Variants in RASIP1 observed in about 807,000 individuals in gnomAD.
RASIP1 encodes the protein ras-interacting protein 1.
In RASIP1, 20 loss-of-function variants were observed where a neutral mutation model predicts 85.3. The ratio of observed to expected loss-of-function variants is 0.23; its 90% CI spans 0.17 to 0.34. The LOEUF (loss-of-function observed/expected upper bound fraction) is 0.34, where lower values mean the gene tolerates loss of function less well. Among genes scored for constraint, RASIP1 ranks in the 10% least tolerant of loss-of-function variants. RASIP1 has a pLI of 1.00. For synonymous variants in RASIP1, 617 were observed against 647.1 expected, an observed-to-expected ratio of 0.95 and a Z score of 0.71; for missense variants, 1,170 against 1,390.9, an observed-to-expected ratio of 0.84 and a Z score of 2.53.
At chr19:48,735,134 T>C in intron 4 of RASIP1, 62 bp downstream of exon 4, 1 of 1,442,524 alleles carries the variant, frequency 6.9e-7, no homozygotes, top group South Asian at 1.3e-5. Flanking sequence ...GTAGTTTTGT[T>C]GCTCACCCAC....
chr19:48,727,484 A>G lies in RASIP1; in HGVS notation c.1834-54T>C, dbSNP rs948239834. 1.9e-6 allele frequency: 3 copies of G among 1,563,748 alleles called. No homozygotes were observed. In the African/African-American group the frequency reaches 4.1e-5, roughly 21 times the overall value. Reference sequence around the variant, plus strand: ...TGAGGGGGATCCACTGAGGGGCTTAAGAGTTAATACCCTGGTTTTTATAGA... The same window carrying G: ...TGAGGGGGATCCACTGAGGGGCTTAGGAGTTAATACCCTGGTTTTTATAGA... On this transcript the variant is annotated intron_variant, in intron 5 of 11. Transcript: ENST00000222145.
At position 48,739,687 on chromosome 19, in the gene RASIP1, A is replaced by C; in HGVS notation, c.138-42T>G. 1 of 1,319,778 alleles carries C rather than the reference A, an allele frequency of 7.6e-7. No homozygotes were observed. Among genetic ancestry groups the C allele is most frequent in the Non-Finnish European group, 9.7e-7 (1 of 1,030,998 alleles). The allele number at this position is 1,319,778 out of a possible 1,614,324, so 81.8% of individuals were successfully genotyped here. On this transcript the variant is annotated intron_variant, in intron 2 of 11. Transcript: ENST00000222145. This position sits in a 1 kb window ranked among gnomAD's most constrained non-coding sequence, Gnocchi z 9.2. ...GAACAGAGTCGCGGGAGAGAGACCC[A>C]GGACGACACGCCAAGACGGGGGTGG...
At chr19:48,727,737 G>C (rs906588800) in intron 5 of RASIP1, among the ~76,000 whole-genome samples, 7 of 150,126 alleles carry the variant, frequency 4.7e-5, no homozygotes, top group Non-Finnish European at 1.0e-4. Flanking sequence ...CCCAGGCTGG[G>C]GTGCAATGGC....
chr19:48,737,418 C>G (rs1015052293), intron 3 of RASIP1: 1 of 974,710 alleles, frequency 1.0e-6, no homozygotes, highest in Non-Finnish European at 1.2e-6. Flanking sequence ...CTGCCAGGCG[C>G]GGTCCACCAC....
At chr19:48,725,526 A>C (rs1449231351) in intron 8 of RASIP1, 2 of 152,930 alleles carry the variant, frequency 1.3e-5, no homozygotes, top group Non-Finnish European at 2.9e-5. Context: ...CATCAAGCCC[A>C]CCATAAGCCA....
At position 48,738,868 on chromosome 19, in the gene RASIP1, CGCGAGTCCCACAAG is replaced by C; in HGVS notation, c.823+78_823+91del. ...CCGCGGGCCCCGCCCCCAGCCAGCC[CGCGAGTCCCACAAG>C]CCCCGCCCAGGCCCCGCCCCACGGA... On this transcript the variant is annotated intron_variant, in intron 3 of 11. Coordinates refer to ENST00000222145, the MANE Select transcript of RASIP1 (RefSeq NM_017805.3). This position sits in a 1 kb window ranked among gnomAD's most constrained non-coding sequence, Gnocchi z 4.0. 1 of 1,078,136 alleles carries C rather than the reference CGCGAGTCCCACAAG, an allele frequency of 9.3e-7. No individual in the cohort carries two copies. Among genetic ancestry groups the C allele is most frequent in the Non-Finnish European group, 1.1e-6 (1 of 871,842 alleles). 66.8% of individuals were successfully genotyped at this position (1,078,136 alleles called of 1,614,324 possible). A position where few individuals can be genotyped will look rare whatever the true frequency, so the allele number is the denominator to read the frequency against.
chr19:48,728,931 G>A lies in RASIP1; in HGVS notation c.1833+6C>T, dbSNP rs1321741833. 5.6e-6 allele frequency: 8 copies of A among 1,440,108 alleles called. No homozygotes were observed. Among genetic ancestry groups the A allele is most frequent in the South Asian group, 2.8e-5 (2 of 72,312 alleles). The allele number at this position is 1,440,108 out of a possible 1,614,324, so 89.2% of individuals were successfully genotyped here. ...TGGGGCTGGACGGCGATTGGGGGGC[G>A]CTCACCCAGACGGCCTCCTTGATGA... On this transcript the variant is annotated splice_donor_region_variant and intron_variant, in intron 5 of 11. Transcript: ENST00000222145.
At chr19:48,737,379 C>T (rs906252455) in intron 3 of RASIP1, 2 of 804,152 alleles carry the variant, frequency 2.5e-6, no homozygotes, top group African/African-American at 1.9e-5. Flanking sequence ...CTGAGCAGAC[C>T]CGTGCTTTCA....
In RASIP1 at chr19:48,740,427, T is replaced by G. The variant is rs2033653622; in HGVS notation, c.-5+94A>C. The G allele has an allele frequency of 8.6e-6, 12 of 1,388,998 alleles. No homozygotes were observed. Among genetic ancestry groups the G allele is most frequent in the Non-Finnish European group, 1.1e-5 (12 of 1,065,134 alleles). The allele number at this position is 1,388,998 out of a possible 1,614,324, so 86.0% of individuals were successfully genotyped here. ...CAGGGGGAGGAGAGGGATGGTACCC[T>G]GGATTCCTGGGTCCTGGGATGGAAG... On this transcript the variant is annotated intron_variant, in intron 1 of 11. Coordinates refer to ENST00000222145, the MANE Select transcript of RASIP1 (RefSeq NM_017805.3). The surrounding 1 kb of genome is among the most constrained non-coding windows in gnomAD (Gnocchi z 5.5).
chr19:48,740,396 C>T lies in RASIP1; in HGVS notation c.-4-110G>A. 2.8e-6 allele frequency: 4 copies of T among 1,436,246 alleles called. No homozygotes were observed. The highest frequency in any genetic ancestry group is 1.8e-4 in the Middle Eastern group (1 of 5,516). 89.0% of individuals were successfully genotyped at this position (1,436,246 alleles called of 1,614,324 possible). On this transcript the variant is annotated intron_variant, in intron 1 of 11. Coordinates refer to ENST00000222145, the MANE Select transcript of RASIP1 (RefSeq NM_017805.3). The surrounding 1 kb of genome is among the most constrained non-coding windows in gnomAD (Gnocchi z 5.5). ...AGGAGGGGGCTGGGGCTCAGACTTG[C>T]GAGTCCAGGGGGAGGAGAGGGATGG... is the stretch of plus-strand genomic sequence containing the variant.
intron 3 of RASIP1, among the ~76,000 whole-genome samples, chr19:48,736,212 G>C (rs1409785171): frequency 6.6e-6 from 1 of 151,002 alleles, no homozygotes; most frequent in Admixed American, 6.6e-5. Context: ...TCAGGAGATC[G>C]AGACCATCTT....
At chr19:48,722,139 CT>C in intron 10 of RASIP1, 138 bp from the exon 11 acceptor site, 1 of 803,590 alleles carries the variant, frequency 1.2e-6, no homozygotes. Flanking sequence ...ACTGTGAAGT[CT>C]GTTTATCACC....
chr19:48,734,071 G>A (rs1273643938), intron 4 of RASIP1, among the ~76,000 whole-genome samples: 2 of 151,968 alleles, frequency 1.3e-5, no homozygotes, highest in African/African-American at 2.4e-5. Flanking sequence ...CGAGGCGGGC[G>A]GATCACGAGG....
chr19:48,721,411 G>C (rs2033238047), intron 11 of RASIP1, among the ~76,000 whole-genome samples: 2 of 152,024 alleles, frequency 1.3e-5, no homozygotes, highest in Non-Finnish European at 2.9e-5. Context: ...GTATCTTGAC[G>C]GGGGAAGGGG....
rs1205204167 is a variant in RASIP1, at chr19:48,720,946, C to T, written c.2744G>A (p.Gly915Glu). The T allele has an allele frequency of 1.9e-6, 3 of 1,612,960 alleles. No individual in the cohort carries two copies. The highest frequency in any genetic ancestry group is 2.5e-6 in the Non-Finnish European group (3 of 1,179,714). Residue 915 changes from glycine (G) to glutamate (E), a missense_variant, in exon 12 of 12, where the codon GGG becomes GAG. By Grantham distance (98) the Gly-to-Glu change is moderately conservative. This residue lies in a region of RASIP1 where 144 missense variants were observed against 125.5 expected (regional missense o/e 1.15). Transcript: ENST00000222145. Reference protein sequence around the residue: ...SSHPPLILPLGSSRLRLTGPV... With the variant: ...SSHPPLILPLESSRLRLTGPV... ...ACCAGTGAGGCGCAGGCGCGAGCTC[C>T]CCAGGGGGAGGATGAGGGGCGGGTG...
chr19:48,727,338 C>A (rs371067218), intron 6 of RASIP1, 55 bp downstream of exon 6: 1 of 1,593,488 alleles, frequency 6.3e-7, no homozygotes, highest in African/African-American at 1.3e-5. Flanking sequence ...CAGAACTAGA[C>A]GCAAAACCCA....
chr19:48,733,805 C>A (rs1391743594), intron 4 of RASIP1, among the ~76,000 whole-genome samples: 90 of 128,154 alleles, frequency 7.0e-4, no homozygotes, highest in Admixed American at 8.0e-4. Context: ...GAATCCATCT[C>A]AAAAAAAAAA....
At chr19:48,736,719 T>C (rs2033579861) in intron 3 of RASIP1, among the ~76,000 whole-genome samples, 1 of 152,116 alleles carries the variant, frequency 6.6e-6, no homozygotes, top group African/African-American at 2.4e-5. Context: ...ACGTCCCCAC[T>C]GTATTCCCCA....
rs765896978 is a variant in RASIP1, at chr19:48,720,826, T to C, written c.2864A>G (p.His955Arg). The change falls in exon 12 of 12, where the codon CAT (histidine) becomes CGT (arginine). Residue 955 changes from histidine (H) to arginine (R), a missense_variant. Transcript: ENST00000222145. ...EQQELPANYR[H>R]GPPVATSP ...AGGAGACGTGGCCACGGGAGGCCCATGGCGATAATTGGCTGGCAGCTCCTG... is the reference window on the plus strand; with the variant it reads ...AGGAGACGTGGCCACGGGAGGCCCACGGCGATAATTGGCTGGCAGCTCCTG... 3.1e-6 allele frequency: 5 copies of C among 1,613,926 alleles called. No homozygotes were observed. The highest frequency in any genetic ancestry group is 2.2e-5 in the East Asian group (1 of 44,876).
Sources: gnomAD v4.1 joint callset for allele counts (sites outside exome capture counted in the v4.1 genomes callset) on GRCh38, gnomAD v4.1.1 for gene constraint, gnomAD v4.1.1 regional missense constraint, Gnocchi (gnomAD v3.1) non-coding constraint, MANE v1.5 for transcripts, NCBI Gene and HGNC (gene_info 2026-07-23, HGNC 2026-07-21) for gene names.